LTN1: variants seen among roughly 807,000 people sequenced by gnomAD.
LTN1 encodes E3 ubiquitin-protein ligase listerin.
A neutral mutation model predicts 201.2 loss-of-function variants in LTN1; 88 were observed. The ratio of observed to expected loss-of-function variants is 0.44; its 90% confidence interval spans 0.37 to 0.52. The LOEUF (loss-of-function observed/expected upper bound fraction) is 0.52, where lower values mean the gene tolerates loss of function less well. Ranked by LOEUF, LTN1 falls within the 20% of genes least tolerant of loss-of-function variation. The pLI, the probability that LTN1 is intolerant of heterozygous loss-of-function variation, is 0.00. For synonymous variants in LTN1, 645 were observed against 713.5 expected (o/e 0.90, Z 1.53); for missense variants, 1,752 against 2,038.7 (o/e 0.86, Z 2.71).
chr21:28,946,219 AT>A lies in LTN1; in HGVS notation c.3555del (p.Leu1186TyrfsTer5). The part of the protein sequence containing the change: ...LQTKSIDDGE[L>X]LHGILKIIIS... ...ATTATGATTTTTAATATTCCATGTA[AT>A]AGCTCTCCATCATCTATACTTTTGG... On this transcript the variant is annotated frameshift_variant, in exon 20 of 30. Coordinates refer to ENST00000361371, the MANE Select transcript of LTN1 (RefSeq NM_015565.3). LOFTEE classifies it high-confidence loss of function. 1 of 1,591,178 alleles carries A rather than the reference AT, an allele frequency of 6.3e-7. No homozygotes were observed. Among genetic ancestry groups the A allele is most frequent in the Non-Finnish European group, 8.6e-7 (1 of 1,169,294 alleles).
intron 6 of LTN1, among the ~76,000 whole-genome samples, chr21:28,975,209 A>C (rs2084605568): frequency 6.6e-6 from 1 of 152,228 alleles, no homozygotes; most frequent in Non-Finnish European, 1.5e-5. Flanking sequence ...AATAAGGTAA[A>C]GGAAAATACG....
intron 23 of LTN1, 74 bp from the exon 24 acceptor site, chr21:28,943,410 C>G: frequency 1.2e-6 from 1 of 862,268 alleles, no homozygotes; most frequent in Non-Finnish European, 1.9e-6. Flanking sequence ...AGCAGAAAGA[C>G]CAATACTTAT....
chr21:28,933,863 A>G (rs992412285), intron 27 of LTN1, among the ~76,000 whole-genome samples: 1 of 151,956 alleles, frequency 6.6e-6, no homozygotes, highest in Admixed American at 6.5e-5. Context: ...TTTAGTAGAG[A>G]TGGGGTTTCT....
intron 19 of LTN1, 44 bp from the exon 20 acceptor site, chr21:28,946,331 A>G (rs772720593): frequency 1.5e-6 from 2 of 1,321,524 alleles, no homozygotes; most frequent in Admixed American, 5.2e-5. Flanking sequence ...TTTAAGAACT[A>G]TATCGCTACT....
intron 29 of LTN1, 42 bp from the exon 30 acceptor site, chr21:28,930,552 G>T: frequency 7.6e-7 from 1 of 1,322,596 alleles, no homozygotes; most frequent in Non-Finnish European, 1.1e-6. Flanking sequence ...AACTTTTAAA[G>T]TTCTCCTCTA....
chr21:28,949,483 C>T (rs1027839949), intron 18 of LTN1, among the ~76,000 whole-genome samples: 9 of 152,138 alleles, frequency 5.9e-5, no homozygotes, highest in African/African-American at 2.2e-4. Flanking sequence ...TGAAACTCTA[C>T]CCACTAACAC....
intron 6 of LTN1, among the ~76,000 whole-genome samples, chr21:28,979,084 G>A (rs1320861736): frequency 2.0e-5 from 3 of 152,228 alleles, no homozygotes; most frequent in African/African-American, 4.8e-5. Context: ...AGAATATAAG[G>A]TTATGTAGTA....
chr21:28,943,736 T>C lies in LTN1; in HGVS notation c.4151A>G (p.Asn1384Ser), dbSNP rs778711434. The change falls in exon 23 of 30, where the codon AAT (asparagine) becomes AGT (serine). Residue 1384 changes from asparagine (N) to serine (S), a missense_variant. Coordinates refer to ENST00000361371, the MANE Select transcript of LTN1 (RefSeq NM_015565.3). ...GAAGAGGAGTAATGGGGCCAATGTA[T>C]TTAACAAAGTCTGGAGATATTCTGG... ...NLPEYLQTLLNTLAPLLLFRA... is the reference protein window; with the variant it reads ...NLPEYLQTLLSTLAPLLLFRA... 2 of 1,613,900 alleles carry C rather than the reference T, an allele frequency of 1.2e-6. No individual in the cohort carries two copies. The highest frequency in any genetic ancestry group is 2.2e-5 in the East Asian group (1 of 44,826).
At chr21:28,963,070 A>G (rs757264975) in intron 11 of LTN1, among the ~76,000 whole-genome samples, 1 of 152,240 alleles carries the variant, frequency 6.6e-6, no homozygotes, top group Non-Finnish European at 1.5e-5. Context: ...AGAAGAAACC[A>G]TCTCCACAAT....
chr21:28,945,689 A>T, intron 21 of LTN1, 118 bp downstream of exon 21: 1 of 907,568 alleles, frequency 1.1e-6, no homozygotes, highest in Non-Finnish European at 1.6e-6. Flanking sequence ...AAAGTGTTTT[A>T]AATTATACAA....
At position 28,935,218 on chromosome 21, in the gene LTN1, C is replaced by T. The variant is rs971512669; in HGVS notation, c.4766G>A (p.Arg1589His). The change falls in exon 27 of 30, where the codon CGT (arginine) becomes CAT (histidine). Residue 1589 changes from arginine (R) to histidine (H), a missense_variant. Coordinates refer to ENST00000361371, the MANE Select transcript of LTN1 (RefSeq NM_015565.3). ...VRLWWNSSEK[R>H]VFNIVDRFTS... ...AAATCTATCCACAATATTGAAAACA[C>T]GCTTCTCACTGCTATTCCACCACAA... 8.1e-6 allele frequency: 13 copies of T among 1,612,828 alleles called. No homozygotes were observed. Among genetic ancestry groups the T allele is most frequent in the Non-Finnish European group, 1.0e-5 (12 of 1,178,904 alleles).
rs2084309939 is a variant in LTN1 at position 28,943,110 on chromosome 21, T to C, written c.4295+152A>G. 3 of 500,484 alleles carry C rather than the reference T, an allele frequency of 6.0e-6. No homozygotes were observed. The South Asian group carries it at 1.1e-4, about 19-fold the overall frequency. 31.0% of individuals were successfully genotyped at this position (500,484 alleles called of 1,614,324 possible). A position where few individuals can be genotyped will look rare whatever the true frequency, so the allele number is the denominator to read the frequency against. On this transcript the variant is annotated intron_variant, in intron 24 of 29. Coordinates refer to ENST00000361371, the MANE Select transcript of LTN1 (RefSeq NM_015565.3). Reference sequence around the variant, plus strand: ...GACACAATCTTTTGGGTGAAATCTATATTTCATTTATATCTTACAGATAAC... The same window carrying C: ...GACACAATCTTTTGGGTGAAATCTACATTTCATTTATATCTTACAGATAAC...
chr21:28,955,342 C>A (rs974808200), intron 16 of LTN1, among the ~76,000 whole-genome samples: 3 of 151,954 alleles, frequency 2.0e-5, no homozygotes, highest in Non-Finnish European at 4.4e-5. Flanking sequence ...GGCAAGAATG[C>A]AGAGAAATAG....
At chr21:28,955,689 C>T (rs1453032409) in intron 16 of LTN1, among the ~76,000 whole-genome samples, 1 of 151,962 alleles carries the variant, frequency 6.6e-6, no homozygotes, top group East Asian at 1.9e-4. Context: ...CTTTGGGAGG[C>T]TGAGACGGGC....
intron 18 of LTN1, among the ~76,000 whole-genome samples, chr21:28,949,178 C>CT (rs1315745780): frequency 6.6e-5 from 10 of 152,144 alleles, no homozygotes; most frequent in African/African-American, 2.2e-4. Context: ...TGAATTGCCT[C>CT]TTTAAGTCTT....
At position 28,986,760 on chromosome 21, in the gene LTN1, A is replaced by C; in HGVS notation, c.217T>G (p.Ser73Ala). The change falls in exon 2 of 30, where the codon TCA (serine) becomes GCA (alanine). Residue 73 changes from serine to alanine, a missense_variant. Physicochemically the swap from Ser to Ala is moderately conservative, Grantham distance 99 (BLOSUM62 1). This residue lies in a region of LTN1 where 280 missense variants were observed against 375.7 expected (regional missense o/e 0.75). Transcript: ENST00000361371. This position sits in a 1 kb window ranked among gnomAD's most constrained non-coding sequence, Gnocchi z 4.1. ...AATTTTGTGGTGACATCTTTCTTTG[A>C]AAGTTTCCGCAGCACCATTCGGAAA... ...SDFRMVLRKL[S>A]KKDVTTKLKA... 6.2e-7 allele frequency: 1 copy of C among 1,612,756 alleles called. No homozygotes were observed. Among genetic ancestry groups the C allele is most frequent in the Non-Finnish European group, 8.5e-7 (1 of 1,179,654 alleles).
Position 28,952,260 on chromosome 21 carries a change from T to C in LTN1, c.3244A>G (p.Arg1082Gly), listed in dbSNP as rs1376018605. ...AGAGACCACAGTGTGCCATGTTCTC[T>C]GGACCTGAAAAAGGAAAGAAAAAAA... ...GLLQLLFNRS[R>G]EHGTLWSLII... is the part of the protein sequence containing the mutation. Residue 1082 changes from arginine to glycine, a missense_variant, in exon 18 of 30, where the codon AGA becomes GGA. By Grantham distance (125) the Arg-to-Gly change is moderately radical. Around this residue, in one of 3 missense-constraint regions of LTN1, gnomAD observed 1,211 missense variants for 1,312.8 expected, o/e 0.92. Transcript: ENST00000361371. The C allele has an allele frequency of 6.3e-7, 1 of 1,578,886 alleles. No homozygotes were observed. Among genetic ancestry groups the C allele is most frequent in the Non-Finnish European group, 8.6e-7 (1 of 1,161,766 alleles).
intron 1 of LTN1, among the ~76,000 whole-genome samples, chr21:28,989,411 T>G (rs557255796): frequency 1.5e-4 from 23 of 152,182 alleles, no homozygotes; most frequent in Admixed American, 7.9e-4. Flanking sequence ...CTTTGTATGT[T>G]AAGTGCTATA....
At chr21:28,967,258 T>C (rs778896873) in intron 9 of LTN1, 79 bp from the exon 10 acceptor site, 9 of 1,007,292 alleles carry the variant, frequency 8.9e-6, no homozygotes, top group Non-Finnish European at 1.2e-5. Context: ...TCTAAAATCC[T>C]TGGAATCTCC....
Sources: allele counts gnomAD v4.1 joint callset (sites outside exome capture counted in the v4.1 genomes callset), GRCh38; gene constraint gnomAD v4.1.1; regional missense constraint gnomAD v4.1.1; non-coding constraint Gnocchi (gnomAD v3.1); transcripts MANE v1.5; gene names NCBI Gene and HGNC (gene_info 2026-07-23, HGNC 2026-07-21).